The following SGIP1 variants were observed in gnomAD, a reference collection of about 807,000 sequenced individuals.
SGIP1 encodes SH3GL interacting endocytic adaptor 1, also known as SH3-containing GRB2-like protein 3-interacting protein 1.
A neutral mutation model predicts 107.5 loss-of-function variants in SGIP1; 38 were observed. That is an observed-to-expected ratio of 0.35 (90% CI 0.27 to 0.46). The LOEUF is 0.46. Ranked by LOEUF, SGIP1 falls within the 20% of genes least tolerant of loss-of-function variation. SGIP1 has a pLI of 1.00. For synonymous variants in SGIP1, 365 were observed against 366.1 expected (o/e 1.00, Z 0.03); for missense variants, 929 against 1,019.5 (o/e 0.91, Z 1.21).
chr1:66,590,833 C>T (rs970324028), intron 1 of SGIP1, among the ~76,000 whole-genome samples: 3 of 150,302 alleles, frequency 2.0e-5, no homozygotes, highest in African/African-American at 4.9e-5. Flanking sequence ...GATCTGCCCC[C>T]CTCAACCTTC....
chr1:66,614,710 G>A (rs992028725), intron 1 of SGIP1, among the ~76,000 whole-genome samples: 1 of 151,812 alleles, frequency 6.6e-6, no homozygotes, highest in African/African-American at 2.4e-5. Context: ...TATAGAAAGG[G>A]CAGTACCATG....
Position 66,630,920 on chromosome 1 carries a change from GAGGA to G in SGIP1, c.75-2136_75-2133del, listed in dbSNP as rs1298382662. ...GAAAGAAAGAAGGGAGGGAGGGAGG[GAGGA>G]AGGAAGGAAGGAAAGAAAGAGAGAA... On this transcript the variant is annotated intron_variant, in intron 2 of 24. Transcript: ENST00000371037. 7.5e-5 allele frequency among the ~76,000 whole-genome samples: 4 copies of G among 53,532 alleles called. 1 individual carries two copies. The highest frequency in any genetic ancestry group is 1.0e-4 in the Non-Finnish European group (3 of 29,540). The allele number at this position is 53,532 out of a possible 152,430, so 35.1% of individuals were successfully genotyped here. A position where few individuals can be genotyped will look rare whatever the true frequency, so the allele number is the denominator to read the frequency against.
intron 7 of SGIP1, among the ~76,000 whole-genome samples, chr1:66,649,428 T>A (rs2149555096): frequency 6.6e-6 from 1 of 152,278 alleles, no homozygotes; most frequent in African/African-American, 2.4e-5. Flanking sequence ...TCAGTTTCTT[T>A]CTGTCTGAAA....
At chr1:66,599,954 T>C (rs1052797209) in intron 1 of SGIP1, among the ~76,000 whole-genome samples, 1 of 152,184 alleles carries the variant, frequency 6.6e-6, no homozygotes, top group African/African-American at 2.4e-5. Flanking sequence ...TGATCCCTGA[T>C]ACCATCTTTG....
intron 15 of SGIP1, among the ~76,000 whole-genome samples, chr1:66,687,434 G>C (rs758726632): frequency 6.6e-5 from 10 of 152,000 alleles, no homozygotes; most frequent in Admixed American, 3.3e-4. Context: ...AGTGGGGCCT[G>C]TCAAAACATA....
intron 1 of SGIP1, among the ~76,000 whole-genome samples, chr1:66,613,292 C>A (rs2068425803): frequency 6.6e-6 from 1 of 152,074 alleles, no homozygotes; most frequent in Non-Finnish European, 1.5e-5. Context: ...CTAGTACTTT[C>A]AACGACTGCC....
At chr1:66,610,909 C>T (rs1252995233) in intron 1 of SGIP1, among the ~76,000 whole-genome samples, 2 of 151,852 alleles carry the variant, frequency 1.3e-5, no homozygotes, top group Non-Finnish European at 2.9e-5. Flanking sequence ...TGTATGCTCT[C>T]ACTCATAAGT....
At position 66,746,744 on chromosome 1, in the gene SGIP1, C is replaced by T. The variant is rs7541249; in HGVS notation, c.*3649C>T. 0.27 allele frequency: 41,176 copies of T among 151,910 alleles called. 5,703 individuals carry two copies. Among genetic ancestry groups the T allele is most frequent in the South Asian group, 0.31 (1,503 of 4,816 alleles). The allele number at this position is 151,910 out of a possible 1,614,324, so 9.4% of individuals were successfully genotyped here. A position where few individuals can be genotyped will look rare whatever the true frequency, so the allele number is the denominator to read the frequency against. On this transcript the variant is annotated 3_prime_UTR_variant, in exon 25 of 25. Coordinates refer to ENST00000371037, the MANE Select transcript of SGIP1 (RefSeq NM_032291.4). ...CCAGCTATTCTGACTGCAAAGGAAA[C>T]GCCTTAATTGCTTTGTCCACCCTGA...
intron 7 of SGIP1, among the ~76,000 whole-genome samples, chr1:66,659,772 CTG>C (rs1571370863): frequency 6.6e-6 from 1 of 150,916 alleles, no homozygotes; most frequent in East Asian, 2.0e-4. Flanking sequence ...TAGCCAGAGA[CTG>C]TTGTACATGC....
intron 18 of SGIP1, among the ~76,000 whole-genome samples, chr1:66,714,749 G>C: frequency 6.6e-6 from 1 of 152,176 alleles, no homozygotes; most frequent in African/African-American, 2.4e-5. Context: ...TTTCCCCAAG[G>C]CCACAGAGCT....
chr1:66,714,528 T>A (rs997044858), intron 18 of SGIP1, among the ~76,000 whole-genome samples: 1 of 152,142 alleles, frequency 6.6e-6, no homozygotes, highest in Non-Finnish European at 1.5e-5. Context: ...CATGGTAGTG[T>A]CTCAGTAAAT....
chr1:66,592,050 A>G (rs570732748), intron 1 of SGIP1, among the ~76,000 whole-genome samples: 30 of 152,296 alleles, frequency 2.0e-4, no homozygotes, highest in African/African-American at 7.2e-4. Context: ...ATTCCCAAGG[A>G]CGAGCAGGAG....
intron 1 of SGIP1, among the ~76,000 whole-genome samples, chr1:66,593,849 T>A (rs1427357687): frequency 6.6e-6 from 1 of 152,300 alleles, no homozygotes; most frequent in Middle Eastern, 3.4e-3. Flanking sequence ...TTTTTCTTTT[T>A]AAAAAAATCT....
intron 21 of SGIP1, 28 bp downstream of exon 21, chr1:66,733,908 C>T: frequency 6.3e-7 from 1 of 1,594,676 alleles, no homozygotes; most frequent in Non-Finnish European, 8.6e-7. Flanking sequence ...ATCGGTATCT[C>T]TTCCACATGA....
chr1:66,710,655 A>G (rs893804950), intron 18 of SGIP1, among the ~76,000 whole-genome samples: 38 of 152,340 alleles, frequency 2.5e-4, no homozygotes, highest in African/African-American at 9.1e-4. Flanking sequence ...ACATCTGGTC[A>G]TATAAACAAT....
intron 1 of SGIP1, among the ~76,000 whole-genome samples, chr1:66,622,784 G>A (rs985959494): frequency 3.9e-5 from 6 of 152,120 alleles, no homozygotes; most frequent in Admixed American, 2.0e-4. Flanking sequence ...TTGTTTTGAT[G>A]TTGGCAAGGG....
At chr1:66,667,815 A>ATG (rs922451765) in intron 9 of SGIP1, among the ~76,000 whole-genome samples, 66 of 151,544 alleles carry the variant, frequency 4.4e-4, no homozygotes, top group African/African-American at 9.9e-4. Context: ...GTGTGTATAT[A>ATG]TGTGTGTGTG....
chr1:66,671,038 C>G lies in SGIP1; in HGVS notation c.508+19C>G, dbSNP rs746206444. ...TTATCCAGTAAGTATATCTTAGCTA[C>G]CAGAAATAGTGTATGATTTAAAAGA... is the stretch of plus-strand genomic sequence containing the variant. On this transcript the variant is annotated intron_variant, in intron 10 of 24. Coordinates refer to ENST00000371037, the MANE Select transcript of SGIP1 (RefSeq NM_032291.4). The G allele has an allele frequency of 9.3e-6, 12 of 1,287,574 alleles. No individual in the cohort carries two copies. In the Admixed American group the frequency reaches 2.0e-4, roughly 21 times the overall value. The allele number at this position is 1,287,574 out of a possible 1,614,324, so 79.8% of individuals were successfully genotyped here.
intron 2 of SGIP1, among the ~76,000 whole-genome samples, chr1:66,631,097 A>AAG (rs1228701453): frequency 7.5e-6 from 1 of 132,848 alleles, no homozygotes; most frequent in East Asian, 2.8e-4. Context: ...GAAAGAAAGA[A>AAG]AGAAAAAAAG....
Sources: gnomAD v4.1 joint callset for allele counts (sites outside exome capture counted in the v4.1 genomes callset) on GRCh38, gnomAD v4.1.1 for gene constraint, MANE v1.5 for transcripts, NCBI Gene and HGNC (gene_info 2026-07-23, HGNC 2026-07-21) for gene names.